The following OR5BS1 variants were observed in gnomAD, a reference collection of about 807,000 sequenced individuals.
The protein encoded by OR5BS1 is olfactory receptor 5BS1.
the OR5BS1 span, chr12:48,560,442 G>A: frequency 2.5e-6 from 1 of 401,248 alleles, no homozygotes; most frequent in East Asian, 3.6e-5. Flanking sequence ...TGCTCTTATT[G>A]ACCTGTTCTG....
chr12:48,562,703 A>G, the OR5BS1 span: 1 of 399,130 alleles, frequency 2.5e-6, no homozygotes, highest in Non-Finnish European at 4.4e-6. Context: ...TCCTTTGCAG[A>G]GTCTTTGCAG....
At chr12:48,562,445 T>C in the OR5BS1 span, among the ~76,000 whole-genome samples, 8 of 152,350 alleles carry the variant, frequency 5.3e-5, no homozygotes, top group Admixed American at 1.3e-4. Flanking sequence ...TATGAAATGC[T>C]ATGGAAATGT....
At chr12:48,562,337 T>A in the OR5BS1 span, among the ~76,000 whole-genome samples, 1 of 152,196 alleles carries the variant, frequency 6.6e-6, no homozygotes, top group South Asian at 2.1e-4. Context: ...TGAACAGTCA[T>A]CACAAGGTGA....
chr12:48,560,094 T>G, the OR5BS1 span: 2 of 402,806 alleles, frequency 5.0e-6, no homozygotes, highest in Admixed American at 8.8e-5. Context: ...TCCTGGATGC[T>G]TTCTATTCCT....
the OR5BS1 span, among the ~76,000 whole-genome samples, chr12:48,560,980 G>A: frequency 6.6e-6 from 1 of 151,966 alleles, no homozygotes; most frequent in African/African-American, 2.4e-5. Context: ...ACGTGCACCT[G>A]TAGTCCTAGC....
chr12:48,559,899 G>A, the OR5BS1 span: 31,211 of 401,262 alleles, frequency 0.078, 1,407 homozygotes, highest in Middle Eastern at 0.16. Flanking sequence ...TCAGCAACAT[G>A]ACCACAGTCA....
the OR5BS1 span, chr12:48,560,770 GT>G: frequency 3.3e-5 from 13 of 397,338 alleles, no homozygotes; most frequent in African/African-American, 1.9e-4. Context: ...CTAGGCTCTA[GT>G]GCTGGCTCTA....
At chr12:48,561,990 C>T in the OR5BS1 span, among the ~76,000 whole-genome samples, 318 of 152,222 alleles carry the variant, frequency 2.1e-3, 3 homozygotes, top group African/African-American at 7.1e-3. Flanking sequence ...CCACAAGGAA[C>T]ATCCTTGGGA....
At chr12:48,561,197 C>A in the OR5BS1 span, among the ~76,000 whole-genome samples, 1 of 151,720 alleles carries the variant, frequency 6.6e-6, no homozygotes, top group African/African-American at 2.4e-5. Context: ...TTTTCTACTT[C>A]ATTAACCTAA....
chr12:48,561,998 G>A, the OR5BS1 span, among the ~76,000 whole-genome samples: 10 of 152,046 alleles, frequency 6.6e-5, no homozygotes, highest in African/African-American at 2.2e-4. Flanking sequence ...AACATCCTTG[G>A]GATAGTCTAT....
At chr12:48,560,784 A>G in the OR5BS1 span, 1 of 396,038 alleles carries the variant, frequency 2.5e-6, no homozygotes, top group South Asian at 1.4e-4. Context: ...TGGCTCTACC[A>G]TGGACTAGCT....
the OR5BS1 span, among the ~76,000 whole-genome samples, chr12:48,561,394 C>T: frequency 6.6e-6 from 1 of 152,192 alleles, no homozygotes; most frequent in Non-Finnish European, 1.5e-5. Context: ...TTTACATCGC[C>T]AAGCCAATTT....
At chr12:48,562,780 C>T in the OR5BS1 span, 4 of 401,628 alleles carry the variant, frequency 1.0e-5, no homozygotes, top group Non-Finnish European at 1.8e-5. Flanking sequence ...CTTTTCTGTA[C>T]AATTCCCTTC....
chr12:48,562,956 G>A, the OR5BS1 span: 2 of 401,250 alleles, frequency 5.0e-6, no homozygotes, highest in Admixed American at 8.8e-5. Flanking sequence ...TTCCCTTGTA[G>A]CCCAGCGTCC....
the OR5BS1 span, chr12:48,560,228 C>T: frequency 1.2e-5 from 5 of 401,150 alleles, no homozygotes. Flanking sequence ...TGCCTCCTCT[C>T]GGTCATGGCC....
chr12:48,560,130 G>A, the OR5BS1 span: 1 of 401,776 alleles, frequency 2.5e-6, no homozygotes, highest in Non-Finnish European at 4.4e-6. Context: ...AACTGCTAGA[G>A]AACCTTCTTT....
At chr12:48,561,867 T>C in the OR5BS1 span, among the ~76,000 whole-genome samples, 2 of 152,198 alleles carry the variant, frequency 1.3e-5, no homozygotes, top group Non-Finnish European at 2.9e-5. Flanking sequence ...AGTTTCCTCA[T>C]CTGCCATGAG....
At chr12:48,561,644 T>C in the OR5BS1 span, among the ~76,000 whole-genome samples, 2 of 152,160 alleles carry the variant, frequency 1.3e-5, no homozygotes, top group Admixed American at 1.3e-4. Flanking sequence ...TACTAGTAAA[T>C]TGAAGGTAGA....
the OR5BS1 span, chr12:48,562,812 T>C: frequency 1.0e-5 from 4 of 401,812 alleles, no homozygotes; most frequent in African/African-American, 2.1e-5. Flanking sequence ...TTCCAGCATC[T>C]GGCTCAGCCC....
Sources: allele counts gnomAD v4.1 joint callset (sites outside exome capture counted in the v4.1 genomes callset), GRCh38; gene constraint gnomAD v4.1.1; transcripts MANE v1.5; gene names NCBI Gene and HGNC (gene_info 2026-07-23, HGNC 2026-07-21).